Variants in MED6 observed in about 807,000 individuals in gnomAD.
MED6 encodes the protein mediator of RNA polymerase II transcription subunit 6.
MED6 carries 33 observed loss-of-function variants against 37.5 expected under a neutral mutation model. That is an observed-to-expected ratio of 0.88 (90% CI 0.67 to 1.18). MED6 has a LOEUF of 1.18. MED6 is among the 50% of genes most tolerant of loss of function. MED6 has a pLI of 0.00. For missense variants in MED6, 235 were observed against 290.6 expected, an observed-to-expected ratio of 0.81 and a Z score of 1.39; for synonymous variants, 94 against 93.6, an observed-to-expected ratio of 1.00 and a Z score of -0.02.
intron 6 of MED6, among the ~76,000 whole-genome samples, chr14:70,588,692 AAT>A (rs1884784027): frequency 2.0e-4 from 1 of 5,100 alleles, no homozygotes; most frequent in Admixed American, 2.2e-3. Flanking sequence ...TCTCAAAAAT[AAT>A]AATAATAATA....
intron 7 of MED6, among the ~76,000 whole-genome samples, 163 bp from the exon 8 acceptor site, chr14:70,585,106 C>G (rs1234210703): frequency 6.6e-6 from 1 of 152,134 alleles, no homozygotes; most frequent in Non-Finnish European, 1.5e-5. Flanking sequence ...AACCCAGTTA[C>G]AAACCTAACA....
At chr14:70,587,324 C>G (rs918311120) in intron 6 of MED6, among the ~76,000 whole-genome samples, 2 of 152,264 alleles carry the variant, frequency 1.3e-5, no homozygotes. Flanking sequence ...TAGCTGAGTA[C>G]AACTACATGC....
intron 1 of MED6, among the ~76,000 whole-genome samples, chr14:70,599,995 A>G (rs925019066): frequency 1.8e-4 from 28 of 152,070 alleles, no homozygotes; most frequent in African/African-American, 6.8e-4. Flanking sequence ...ACAACTCTAC[A>G]TGCTCCCCAA....
intron 1 of MED6, among the ~76,000 whole-genome samples, chr14:70,599,066 A>G (rs1353932605): frequency 1.3e-5 from 2 of 152,230 alleles, no homozygotes; most frequent in African/African-American, 4.8e-5. Context: ...CACTGACTGT[A>G]CTGAACACCA....
Position 70,584,031 on chromosome 14 carries a change from CAGTATTTAT to C in MED6, c.*773_*781del. The C allele has an allele frequency of 4.1e-6, 2 of 492,666 alleles. No homozygotes were observed. The highest frequency in any genetic ancestry group is 3.5e-5 in the Admixed American group (1 of 28,872). 30.5% of individuals were successfully genotyped at this position (492,666 alleles called of 1,614,324 possible). ...AAGATTAAAATTCACAACACTGTTA[CAGTATTTAT>C]AGGGTAATGGTATTGGTGAGTGAGG... On this transcript the variant is annotated 3_prime_UTR_variant, in exon 8 of 8. Coordinates refer to ENST00000256379, the MANE Select transcript of MED6 (RefSeq NM_005466.4).
At chr14:70,600,549 C>G in intron 1 of MED6, 67 bp downstream of exon 1, 2 of 1,580,634 alleles carry the variant, frequency 1.3e-6, no homozygotes, top group Middle Eastern at 1.7e-4. Flanking sequence ...ACCTTGAAAC[C>G]GCGAGCTATA....
chr14:70,599,823 G>T (rs1004737354), intron 1 of MED6, among the ~76,000 whole-genome samples: 1 of 152,082 alleles, frequency 6.6e-6, no homozygotes, highest in East Asian at 1.9e-4. Context: ...AATAAATAAT[G>T]AAAGACACGT....
intron 6 of MED6, among the ~76,000 whole-genome samples, chr14:70,590,632 G>A (rs1379108024): frequency 6.6e-6 from 1 of 152,172 alleles, no homozygotes; most frequent in Non-Finnish European, 1.5e-5. Context: ...ATTGAGACTA[G>A]CCATGAGAAC....
chr14:70,594,424 T>C lies in MED6; in HGVS notation c.275-1046A>G, dbSNP rs542235200. On this transcript the variant is annotated intron_variant, in intron 3 of 7. Coordinates refer to ENST00000256379, the MANE Select transcript of MED6 (RefSeq NM_005466.4). ...GATTTTCAACTGATCCTCTATTAAT[T>C]TGATATGACCAGATCTACCATGCAT... 76 of 208,734 alleles carry C rather than the reference T, an allele frequency of 3.6e-4. 1 individual carries two copies. Among genetic ancestry groups the C allele is most frequent in the South Asian group, 2.6e-3 (34 of 12,924 alleles). 12.9% of individuals were successfully genotyped at this position (208,734 alleles called of 1,614,324 possible).
At position 70,600,610 on chromosome 14, in the gene MED6, G is replaced by A. The variant is rs767440094; in HGVS notation, c.22+6C>T. ...TCAAGAGACAAAATATAGCAATACA[G>A]TATACCTCGGATATCCACCGCCGCC... On this transcript the variant is annotated splice_donor_region_variant and intron_variant, in intron 1 of 7. Coordinates refer to ENST00000256379, the MANE Select transcript of MED6 (RefSeq NM_005466.4). 8.7e-6 allele frequency: 14 copies of A among 1,613,258 alleles called. No individual in the cohort carries two copies. The highest frequency in any genetic ancestry group is 1.6e-4 in the Middle Eastern group (1 of 6,062).
At chr14:70,599,998 C>T (rs1885157846) in intron 1 of MED6, among the ~76,000 whole-genome samples, 1 of 152,082 alleles carries the variant, frequency 6.6e-6, no homozygotes, top group Non-Finnish European at 1.5e-5. Flanking sequence ...ACTCTACATG[C>T]TCCCCAAGAT....
intron 5 of MED6, among the ~76,000 whole-genome samples, chr14:70,592,166 A>G (rs1353923255): frequency 2.0e-5 from 3 of 152,238 alleles, no homozygotes; most frequent in African/African-American, 7.2e-5. Flanking sequence ...TATTTCTCAG[A>G]AAAGGAAATG....
rs1884865628 is a variant in MED6, at chr14:70,591,375, A to G, written c.473T>C (p.Val158Ala). 1.9e-6 allele frequency: 3 copies of G among 1,599,170 alleles called. No homozygotes were observed. The highest frequency in any genetic ancestry group is 1.8e-5 in the Admixed American group (1 of 55,674). The change falls in exon 6 of 8, where the codon GTC becomes GCC. Residue 158 changes from valine to alanine, a missense_variant. Coordinates refer to ENST00000256379, the MANE Select transcript of MED6 (RefSeq NM_005466.4). ...HFKDHEEQDK[V>A]RPKAKRKEEP... ...TTCTTTCCTTTTGGCTTTAGGTCTGACTTTATCTATTAAAATACGAAGTCC... is the reference window on the plus strand; with the variant it reads ...TTCTTTCCTTTTGGCTTTAGGTCTGGCTTTATCTATTAAAATACGAAGTCC...
At position 70,596,686 on chromosome 14, in the gene MED6, CG is replaced by C. The variant is rs1370591374; in HGVS notation, c.198del (p.Ile66MetfsTer30). The C allele has an allele frequency of 6.2e-7, 1 of 1,613,476 alleles. No homozygotes were observed. Among genetic ancestry groups the C allele is most frequent in the Admixed American group, 1.7e-5 (1 of 59,986 alleles). ...TCTTGAGCATGCAAAAGGATGTACT[CG>C]ATTCCAACCATCTGACTGAAAACAG... ...TLEHLNQMVG[I>X]EYILLHAQEP... On this transcript the variant is annotated frameshift_variant, in exon 3 of 8. Transcript: ENST00000256379. LOFTEE classifies it high-confidence loss of function.
chr14:70,593,500 T>C (rs1408915005), intron 3 of MED6, 122 bp from the exon 4 acceptor site: 2 of 705,106 alleles, frequency 2.8e-6, no homozygotes, highest in Non-Finnish European at 4.7e-6. Flanking sequence ...AATTACTGTT[T>C]TGGTAAAGCT....
chr14:70,585,933 C>G, intron 6 of MED6, 150 bp from the exon 7 acceptor site: 1 of 588,140 alleles, frequency 1.7e-6, no homozygotes. Flanking sequence ...AGAAAAGCTA[C>G]TATGTATGTA....
chr14:70,599,702 T>G (rs762834999), intron 1 of MED6, among the ~76,000 whole-genome samples: 3 of 151,580 alleles, frequency 2.0e-5, no homozygotes, highest in African/African-American at 7.3e-5. Flanking sequence ...ATCTGAATTA[T>G]AAGTAAAACA....
At chr14:70,588,691 T>A (rs965879454) in intron 6 of MED6, among the ~76,000 whole-genome samples, 4 of 4,886 alleles carry the variant, frequency 8.2e-4, no homozygotes, top group African/African-American at 1.5e-3. Context: ...GTCTCAAAAA[T>A]AATAATAATA....
rs1421791817 is a variant in MED6, at chr14:70,585,778, C to A, written c.588G>T (p.Lys196Asn). 2 of 1,601,074 alleles carry A rather than the reference C, an allele frequency of 1.2e-6. No homozygotes were observed. Among genetic ancestry groups the A allele is most frequent in the Admixed American group, 3.5e-5 (2 of 57,766 alleles). ...TACCTGGAACAGGCTTTTCTCCAGG[C>A]TTTAGCTATAATTTTTTAGAAAAAA... ...QKFPPKFVQLKPGEKPVPVDQ... is the reference protein window; with the variant it reads ...QKFPPKFVQLNPGEKPVPVDQ... The change falls in exon 7 of 8, where the codon AAG becomes AAT. Residue 196 changes from lysine to asparagine, a missense_variant. Coordinates refer to ENST00000256379, the MANE Select transcript of MED6 (RefSeq NM_005466.4).
Sources: gnomAD v4.1 joint callset for allele counts (sites outside exome capture counted in the v4.1 genomes callset) on GRCh38, gnomAD v4.1.1 for gene constraint, MANE v1.5 for transcripts, NCBI Gene and HGNC (gene_info 2026-07-23, HGNC 2026-07-21) for gene names.